SLC25A12: variants seen among roughly 807,000 people sequenced by gnomAD.
SLC25A12 encodes solute carrier family 25 member 12, also known as electrogenic aspartate/glutamate antiporter SLC25A12, mitochondrial.
In SLC25A12, 32 loss-of-function variants were observed where a neutral mutation model predicts 83.3. That is an observed-to-expected ratio of 0.38 (90% CI 0.29 to 0.52). SLC25A12 has a LOEUF of 0.52. Among genes scored for constraint, SLC25A12 ranks in the 20% least tolerant of loss-of-function variants. SLC25A12 has a pLI of 0.84. For missense variants in SLC25A12, 611 were observed against 835.6 expected (o/e 0.73, Z 3.31); for synonymous variants, 267 against 291.1 (o/e 0.92, Z 0.84).
Position 171,844,735 on chromosome 2 carries a change from C to T in SLC25A12, c.326-227G>A, listed in dbSNP as rs180809197. Among the ~76,000 whole-genome samples the T allele has an allele frequency of 1.6e-4, 24 of 152,198 alleles. No individual in the cohort carries two copies. In the East Asian group the frequency reaches 3.7e-3, roughly 23 times the overall value. On this transcript the variant is annotated intron_variant, in intron 4 of 17. Transcript: ENST00000422440. Reference sequence around the variant, plus strand: ...GAATATGTACCATTGCATATAAGGCCATGAGATTCTTAATTTCTCTTTATT... The same window carrying T: ...GAATATGTACCATTGCATATAAGGCTATGAGATTCTTAATTTCTCTTTATT...
intron 3 of SLC25A12, 46 bp from the exon 4 acceptor site, chr2:171,855,995 G>A: frequency 9.6e-7 from 1 of 1,037,088 alleles, no homozygotes; most frequent in Non-Finnish European, 1.5e-6. Flanking sequence ...GAAAGGGAAA[G>A]CATCAGGCAT....
At chr2:171,865,172 T>C (rs1408570415) in intron 3 of SLC25A12, among the ~76,000 whole-genome samples, 1 of 152,100 alleles carries the variant, frequency 6.6e-6, no homozygotes, top group Non-Finnish European at 1.5e-5. Flanking sequence ...TCAATACCTA[T>C]TGAATGAATG....
chr2:171,876,423 T>C (rs1685571965), intron 2 of SLC25A12, among the ~76,000 whole-genome samples: 1 of 152,004 alleles, frequency 6.6e-6, no homozygotes, highest in South Asian at 2.1e-4. Flanking sequence ...GAAACTAGAA[T>C]CTATCTACCC....
intron 2 of SLC25A12, among the ~76,000 whole-genome samples, chr2:171,870,440 G>A (rs535760034): frequency 2.0e-5 from 3 of 151,852 alleles, no homozygotes; most frequent in Non-Finnish European, 4.4e-5. Context: ...TGGGCAACAT[G>A]GCAAAACCCC....
At chr2:171,883,639 C>T (rs1272779626) in intron 2 of SLC25A12, among the ~76,000 whole-genome samples, 1 of 152,140 alleles carries the variant, frequency 6.6e-6, no homozygotes, top group African/African-American at 2.4e-5. Context: ...CACATCAAAC[C>T]CTTTTCTATA....
intron 13 of SLC25A12, 194 bp downstream of exon 13, chr2:171,809,412 T>C (rs1260986243): frequency 3.3e-6 from 2 of 602,612 alleles, no homozygotes; most frequent in East Asian, 5.7e-5. Context: ...TGGCGGAAAA[T>C]GCTACCTCTT....
At chr2:171,842,076 A>G (rs1165089344) in intron 5 of SLC25A12, among the ~76,000 whole-genome samples, 1 of 152,254 alleles carries the variant, frequency 6.6e-6, no homozygotes, top group East Asian at 1.9e-4. Context: ...ATTTGTATAC[A>G]TATGTTCATA....
chr2:171,804,884 G>A (rs373898581), intron 13 of SLC25A12, among the ~76,000 whole-genome samples: 9 of 152,290 alleles, frequency 5.9e-5, no homozygotes, highest in African/African-American at 1.9e-4. Flanking sequence ...TCCTGCCTGG[G>A]CAATACAGTT....
chr2:171,832,023 A>G (rs1453536746), intron 8 of SLC25A12, among the ~76,000 whole-genome samples: 1 of 152,198 alleles, frequency 6.6e-6, no homozygotes, highest in Non-Finnish European at 1.5e-5. Context: ...GCTACACCCT[A>G]GAGATTAACC....
In SLC25A12 at chr2:171,844,433, C is replaced by T. The variant is rs768292187; in HGVS notation, c.401G>A (p.Arg134Gln). 2.5e-6 allele frequency: 4 copies of T among 1,613,528 alleles called. No individual in the cohort carries two copies. Among genetic ancestry groups the T allele is most frequent in the Non-Finnish European group, 2.5e-6 (3 of 1,179,612 alleles). The change falls in exon 5 of 18, where the codon CGA (arginine) becomes CAA (glutamine). Residue 134 changes from arginine to glutamine, a missense_variant. Around this residue, in one of 3 missense-constraint regions of SLC25A12, gnomAD observed 540 missense variants for 777.5 expected, o/e 0.69. Coordinates refer to ENST00000422440, the MANE Select transcript of SLC25A12 (RefSeq NM_003705.5). ...CTTCCGGTTATGCCCAAAATGCAGT[C>T]GGATAAATTCACAATCCCAGTTAAA... Reference protein sequence around the residue: ...IPFNWDCEFIRLHFGHNRKKH... With the variant: ...IPFNWDCEFIQLHFGHNRKKH...
At chr2:171,794,154 T>G (rs1683549375) in intron 13 of SLC25A12, among the ~76,000 whole-genome samples, 1 of 152,212 alleles carries the variant, frequency 6.6e-6, no homozygotes, top group Non-Finnish European at 1.5e-5. Flanking sequence ...ACTGTCATAT[T>G]TTACAAGCCA....
chr2:171,810,307 T>C (rs1242785283), intron 11 of SLC25A12, 31 bp from the exon 12 acceptor site: 3 of 1,570,396 alleles, frequency 1.9e-6, no homozygotes, highest in Admixed American at 1.7e-5. Context: ...ATCAGCAATA[T>C]AGCTGTACCA....
At chr2:171,861,669 A>G (rs1573990620) in intron 3 of SLC25A12, among the ~76,000 whole-genome samples, 1 of 152,286 alleles carries the variant, frequency 6.6e-6, no homozygotes, top group South Asian at 2.1e-4. Context: ...TGGCCTCCCA[A>G]AGTGCTGGGA....
intron 11 of SLC25A12, among the ~76,000 whole-genome samples, chr2:171,812,020 A>G (rs1683955296): frequency 6.6e-6 from 1 of 152,214 alleles, no homozygotes; most frequent in Non-Finnish European, 1.5e-5. Context: ...AAGCATTCAC[A>G]TGGAAAGGTC....
chr2:171,854,421 G>A (rs979081509), intron 4 of SLC25A12, among the ~76,000 whole-genome samples: 1 of 152,140 alleles, frequency 6.6e-6, no homozygotes, highest in Admixed American at 6.5e-5. Context: ...ACAAAAATTA[G>A]CTGGGCATGG....
chr2:171,872,620 G>C (rs1374725427), intron 2 of SLC25A12, among the ~76,000 whole-genome samples: 1 of 152,182 alleles, frequency 6.6e-6, no homozygotes, highest in Non-Finnish European at 1.5e-5. Context: ...TAGAATATGG[G>C]TTGCAAACAA....
intron 9 of SLC25A12, among the ~76,000 whole-genome samples, chr2:171,819,476 T>C (rs1232489260): frequency 1.2e-4 from 16 of 134,300 alleles, no homozygotes; most frequent in Non-Finnish European, 1.7e-4. Context: ...TATATATTAA[T>C]ATATATATAA....
intron 9 of SLC25A12, among the ~76,000 whole-genome samples, chr2:171,823,198 T>A (rs1684229221): frequency 1.3e-5 from 2 of 152,220 alleles, no homozygotes; most frequent in Admixed American, 1.3e-4. Flanking sequence ...CTATAAGAAC[T>A]TAAGCATATT....
chr2:171,800,371 C>G (rs1683686897), intron 13 of SLC25A12, among the ~76,000 whole-genome samples: 1 of 151,808 alleles, frequency 6.6e-6, no homozygotes, highest in African/African-American at 2.4e-5. Flanking sequence ...CCAATAAACA[C>G]ATGAAAAGAT....
Sources: allele counts gnomAD v4.1 joint callset (sites outside exome capture counted in the v4.1 genomes callset), GRCh38; gene constraint gnomAD v4.1.1; regional missense constraint gnomAD v4.1.1; transcripts MANE v1.5; gene names NCBI Gene and HGNC (gene_info 2026-07-23, HGNC 2026-07-21).